The following BTBD9 variants were observed in gnomAD, a reference collection of about 807,000 sequenced individuals.
The protein encoded by BTBD9 is BTB domain containing 9, also known as BTB/POZ domain-containing protein 9.
Under a neutral mutation model 64.3 loss-of-function variants are expected in BTBD9, and 49 were observed. The observed-to-expected ratio is 0.76, with a 90% CI of 0.61 to 0.97. BTBD9 has a LOEUF of 0.97. BTBD9 is among the 50% of genes least tolerant of loss of function. BTBD9 has a pLI of 0.00. For synonymous variants in BTBD9, 260 were observed against 274.7 expected (o/e 0.95, Z 0.53); for missense variants, 598 against 762.1 (o/e 0.78, Z 2.53).
chr6:38,394,709 T>C (rs1766587526), intron 6 of BTBD9, among the ~76,000 whole-genome samples: 1 of 151,666 alleles, frequency 6.6e-6, no homozygotes, highest in African/African-American at 2.4e-5. Context: ...TTCTCTTAGA[T>C]CACTTTCTCT....
At chr6:38,603,210 G>A (rs1445437258) in intron 1 of BTBD9, among the ~76,000 whole-genome samples, 1 of 152,192 alleles carries the variant, frequency 6.6e-6, no homozygotes, top group African/African-American at 2.4e-5. Context: ...TACCTTTCAC[G>A]GTACCATACA....
chr6:38,415,585 C>A (rs534215101), intron 6 of BTBD9, among the ~76,000 whole-genome samples: 1 of 152,278 alleles, frequency 6.6e-6, no homozygotes, highest in South Asian at 2.1e-4. Flanking sequence ...GTTACAACAG[C>A]AATAGGAAAC....
intron 1 of BTBD9, among the ~76,000 whole-genome samples, chr6:38,618,831 T>C (rs970343987): frequency 1.3e-5 from 2 of 152,190 alleles, no homozygotes; most frequent in African/African-American, 4.8e-5. Context: ...TGGCTTAAGC[T>C]GCAGCCCAAG....
intron 9 of BTBD9, among the ~76,000 whole-genome samples, chr6:38,243,638 G>A (rs1161062849): frequency 6.6e-6 from 1 of 152,190 alleles, no homozygotes; most frequent in Non-Finnish European, 1.5e-5. Flanking sequence ...AGACTCAAAG[G>A]GGTAAGAGAT....
intron 2 of BTBD9, among the ~76,000 whole-genome samples, chr6:38,597,124 T>C (rs1777066380): frequency 6.6e-6 from 1 of 152,204 alleles, no homozygotes; most frequent in Non-Finnish European, 1.5e-5. Context: ...AGACACACTT[T>C]ACCACAACAT....
intron 9 of BTBD9, among the ~76,000 whole-genome samples, chr6:38,236,965 A>G (rs963133816): frequency 6.6e-6 from 1 of 152,214 alleles, no homozygotes; most frequent in Non-Finnish European, 1.5e-5. Context: ...ATTTTCCCTG[A>G]GCATCACTGC....
intron 9 of BTBD9, among the ~76,000 whole-genome samples, chr6:38,253,506 A>C (rs1043604754): frequency 4.6e-5 from 7 of 152,170 alleles, no homozygotes; most frequent in African/African-American, 1.7e-4. Flanking sequence ...ATTATAATTC[A>C]AGATCAGATT....
At chr6:38,341,909 G>A (rs905934865) in intron 7 of BTBD9, among the ~76,000 whole-genome samples, 5 of 152,166 alleles carry the variant, frequency 3.3e-5, no homozygotes, top group Non-Finnish European at 5.9e-5. Context: ...GCCTCTTCTC[G>A]TGGCTATATG....
intron 9 of BTBD9, among the ~76,000 whole-genome samples, chr6:38,253,749 T>C (rs533807207): frequency 1.6e-4 from 25 of 152,250 alleles, no homozygotes; most frequent in Admixed American, 1.2e-3. Flanking sequence ...GGCCCTCGTA[T>C]TGTATAAAAA....
At chr6:38,427,183 A>T (rs1295617793) in intron 6 of BTBD9, among the ~76,000 whole-genome samples, 2 of 86,320 alleles carry the variant, frequency 2.3e-5, no homozygotes, top group African/African-American at 6.8e-5. Context: ...GAGGAGCTTT[A>T]AAAAAAAAAA....
chr6:38,396,300 CTTAG>C (rs905310466), intron 6 of BTBD9, among the ~76,000 whole-genome samples: 1 of 152,182 alleles, frequency 6.6e-6, no homozygotes, highest in South Asian at 2.1e-4. Flanking sequence ...AACTAAAAAG[CTTAG>C]TTAGTGTACT....
At chr6:38,571,484 A>T (rs1301555942) in intron 6 of BTBD9, among the ~76,000 whole-genome samples, 1 of 150,476 alleles carries the variant, frequency 6.6e-6, no homozygotes, top group East Asian at 1.9e-4. Flanking sequence ...TGCTGTATCT[A>T]TTGACACCAG....
rs147652951 is a variant in BTBD9 at position 38,595,726 on chromosome 6, A to T, written c.186-1399T>A. 472 of 977,230 alleles carry T rather than the reference A, an allele frequency of 4.8e-4. No homozygotes were observed. In the African/African-American group the frequency reaches 8.0e-3, roughly 17 times the overall value. The allele number at this position is 977,230 out of a possible 1,614,324, so 60.5% of individuals were successfully genotyped here. On this transcript the variant is annotated intron_variant, in intron 2 of 10. Transcript: ENST00000481247. The stretch of plus-strand genomic sequence containing the variant: ...GCATTCTTGCTTGCCCCAGAAAAAT[A>T]GTTGAAACCACCCAGAAAAGATTCA...
chr6:38,571,374 G>A (rs555093620), intron 6 of BTBD9, among the ~76,000 whole-genome samples: 70 of 152,278 alleles, frequency 4.6e-4, no homozygotes, highest in African/African-American at 1.7e-3. Context: ...GGGAAAGAAT[G>A]CTTCCATAAA....
In BTBD9 at chr6:38,595,833, T is replaced by C. The variant is rs896762264; in HGVS notation, c.186-1506A>G. On this transcript the variant is annotated intron_variant, in intron 2 of 10. Coordinates refer to ENST00000481247, the MANE Select transcript of BTBD9 (RefSeq NM_001099272.2). ...AAGGTTTCCATTAATCCAGAGAGCA[T>C]CCAACCATTACCCTAAAATTACCAA... The C allele has an allele frequency of 4.1e-6, 4 of 985,322 alleles. No homozygotes were observed. In the African/African-American group the frequency reaches 7.0e-5, roughly 17 times the overall value. The allele number at this position is 985,322 out of a possible 1,614,324, so 61.0% of individuals were successfully genotyped here. A position where few individuals can be genotyped will look rare whatever the true frequency, so the allele number is the denominator to read the frequency against.
chr6:38,578,504 T>C (rs1776151850), intron 5 of BTBD9, among the ~76,000 whole-genome samples: 1 of 152,138 alleles, frequency 6.6e-6, no homozygotes, highest in Admixed American at 6.6e-5. Context: ...AGGAACAATC[T>C]TGGAAGATTT....
chr6:38,367,774 T>A (rs931969115), intron 6 of BTBD9, among the ~76,000 whole-genome samples: 1 of 128,938 alleles, frequency 7.8e-6, no homozygotes, highest in African/African-American at 2.9e-5. Flanking sequence ...TATATCATCT[T>A]GCAAGAGTGT....
chr6:38,400,479 T>C (rs1048435161), intron 6 of BTBD9, among the ~76,000 whole-genome samples: 1 of 152,210 alleles, frequency 6.6e-6, no homozygotes, highest in Non-Finnish European at 1.5e-5. Flanking sequence ...TTTACCCCAT[T>C]TGACAGCCTT....
At chr6:38,264,334 T>C (rs1177472600) in intron 8 of BTBD9, among the ~76,000 whole-genome samples, 2 of 151,938 alleles carry the variant, frequency 1.3e-5, no homozygotes, top group Admixed American at 6.6e-5. Flanking sequence ...TCAGAGATGG[T>C]AGACTAATGT....
Sources: gnomAD v4.1 joint callset for allele counts (sites outside exome capture counted in the v4.1 genomes callset) on GRCh38, gnomAD v4.1.1 for gene constraint, MANE v1.5 for transcripts, NCBI Gene and HGNC (gene_info 2026-07-23, HGNC 2026-07-21) for gene names.